The following RGS7 variants were observed in gnomAD, a reference collection of about 807,000 sequenced individuals.
RGS7 encodes the protein regulator of G protein signaling 7, also known as regulator of G-protein signaling 7.
A neutral mutation model predicts 81.1 loss-of-function variants in RGS7; 27 were observed. The observed-to-expected ratio is 0.33, with a 90% confidence interval of 0.25 to 0.46. The LOEUF is 0.46. Ranked by LOEUF, RGS7 falls within the 20% of genes least tolerant of loss-of-function variation. The pLI, the probability that RGS7 is intolerant of heterozygous loss-of-function variation, is 1.00. For synonymous variants in RGS7, 208 were observed against 207.7 expected, an observed-to-expected ratio of 1.00 and a Z score of -0.01; for missense variants, 396 against 607.4, an observed-to-expected ratio of 0.65 and a Z score of 3.66.
intron 2 of RGS7, among the ~76,000 whole-genome samples, chr1:241,107,040 T>A (rs1398714814): frequency 1.3e-5 from 2 of 152,198 alleles, no homozygotes; most frequent in African/African-American, 4.8e-5. Context: ...AATTCAATTG[T>A]CATGAACAAA....
chr1:241,128,752 C>T (rs2066868035), intron 2 of RGS7, among the ~76,000 whole-genome samples: 1 of 117,424 alleles, frequency 8.5e-6, no homozygotes, highest in Admixed American at 1.1e-4. Flanking sequence ...TATTTAAATG[C>T]TATTTGGACA....
chr1:241,033,805 C>T (rs955124785), intron 3 of RGS7, among the ~76,000 whole-genome samples: 1 of 152,006 alleles, frequency 6.6e-6, no homozygotes, highest in South Asian at 2.1e-4. Context: ...AAAGTGCCAC[C>T]TAAATTGCAG....
chr1:240,882,029 C>T (rs1666490351), intron 6 of RGS7, among the ~76,000 whole-genome samples: 1 of 152,130 alleles, frequency 6.6e-6, no homozygotes, highest in Non-Finnish European at 1.5e-5. Context: ...ATTCTCCAGC[C>T]TCAGCCTCCC....
chr1:241,085,904 G>C (rs924009907), intron 3 of RGS7, among the ~76,000 whole-genome samples: 3 of 152,166 alleles, frequency 2.0e-5, no homozygotes, highest in Non-Finnish European at 2.9e-5. Flanking sequence ...GGGATTCCTG[G>C]TTACTTACAA....
chr1:241,014,954 G>A (rs1167994062), intron 3 of RGS7, among the ~76,000 whole-genome samples: 1 of 152,134 alleles, frequency 6.6e-6, no homozygotes, highest in Non-Finnish European at 1.5e-5. Flanking sequence ...GGATTGACAA[G>A]TCATCCAGTT....
chr1:241,035,156 T>C (rs1466254544), intron 3 of RGS7, among the ~76,000 whole-genome samples: 2 of 152,080 alleles, frequency 1.3e-5, no homozygotes, highest in African/African-American at 2.4e-5. Context: ...AGAGCTAGAA[T>C]AGCAACATTA....
chr1:241,029,877 AT>A (rs1209776805), intron 3 of RGS7, among the ~76,000 whole-genome samples: 1 of 152,134 alleles, frequency 6.6e-6, no homozygotes, highest in Non-Finnish European at 1.5e-5. Flanking sequence ...TTCTTATTTC[AT>A]TTCTTTTCAG....
At chr1:240,816,898 T>C (rs1428709300) in intron 10 of RGS7, among the ~76,000 whole-genome samples, 2 of 152,210 alleles carry the variant, frequency 1.3e-5, no homozygotes, top group Admixed American at 6.5e-5. Flanking sequence ...TGATTTCTGA[T>C]GGTGCAATAG....
At chr1:240,891,660 AACAT>A (rs1201274632) in intron 6 of RGS7, among the ~76,000 whole-genome samples, 33 of 152,222 alleles carry the variant, frequency 2.2e-4, no homozygotes, top group African/African-American at 8.0e-4. Flanking sequence ...AATTCAGACC[AACAT>A]TCTTAGTCTC....
At chr1:241,111,724 A>G (rs75094886) in intron 2 of RGS7, among the ~76,000 whole-genome samples, 2,563 of 152,174 alleles carry the variant, frequency 0.017, 81 homozygotes, top group African/African-American at 0.058. Flanking sequence ...CCTTCACACA[A>G]CTCCAGGACT....
At chr1:240,928,849 G>A (rs756995020) in intron 6 of RGS7, among the ~76,000 whole-genome samples, 23 of 152,094 alleles carry the variant, frequency 1.5e-4, no homozygotes, top group Non-Finnish European at 2.9e-4. Context: ...GATCTCAGGT[G>A]ATCTGCCCGC....
intron 2 of RGS7, among the ~76,000 whole-genome samples, chr1:241,125,053 A>G (rs924007784): frequency 3.9e-5 from 6 of 152,222 alleles, no homozygotes; most frequent in Admixed American, 3.9e-4. Flanking sequence ...TTCATGAGCT[A>G]TAATCTAGAT....
chr1:241,059,208 G>A (rs957654789), intron 3 of RGS7, among the ~76,000 whole-genome samples: 1 of 152,116 alleles, frequency 6.6e-6, no homozygotes, highest in African/African-American at 2.4e-5. Context: ...TCTCCCAAGG[G>A]TCTGTCACTG....
chr1:241,247,602 GCAATGCAATCATA>G (rs1462826453), intron 2 of RGS7, among the ~76,000 whole-genome samples: 1 of 152,026 alleles, frequency 6.6e-6, no homozygotes, highest in African/African-American at 2.4e-5. Flanking sequence ...CTTTCTTAAT[GCAATGCAATCATA>G]CAGGTGGTAT....
At chr1:241,197,777 C>T (rs1011993041) in intron 2 of RGS7, among the ~76,000 whole-genome samples, 2 of 148,426 alleles carry the variant, frequency 1.3e-5, no homozygotes, top group African/African-American at 5.0e-5. Context: ...CATACATATA[C>T]TTATTAACTG....
At chr1:241,074,280 C>CT (rs755930142) in intron 3 of RGS7, among the ~76,000 whole-genome samples, 20 of 151,946 alleles carry the variant, frequency 1.3e-4, no homozygotes, top group Non-Finnish European at 2.6e-4. Flanking sequence ...AAGTATGCAA[C>CT]TTTAAAAGAA....
chr1:241,191,256 G>C (rs2072628222), intron 2 of RGS7, among the ~76,000 whole-genome samples: 1 of 152,176 alleles, frequency 6.6e-6, no homozygotes, highest in Non-Finnish European at 1.5e-5. Context: ...AGGGATTACA[G>C]GAGTGAGCCA....
intron 6 of RGS7, among the ~76,000 whole-genome samples, chr1:240,912,948 T>C (rs999534766): frequency 1.3e-5 from 2 of 152,164 alleles, no homozygotes; most frequent in Non-Finnish European, 2.9e-5. Context: ...CAAGCCTGCA[T>C]ACTTACAGGG....
At chr1:240,834,069 G>A (rs183065705) in intron 9 of RGS7, among the ~76,000 whole-genome samples, 3 of 152,304 alleles carry the variant, frequency 2.0e-5, no homozygotes, top group African/African-American at 4.8e-5. Context: ...TTACAGGTGC[G>A]AAGCACTGTG....
Sources: gnomAD v4.1 joint callset for allele counts (sites outside exome capture counted in the v4.1 genomes callset) on GRCh38, gnomAD v4.1.1 for gene constraint, MANE v1.5 for transcripts, NCBI Gene and HGNC (gene_info 2026-07-23, HGNC 2026-07-21) for gene names.